The following P4HA3 variants were observed in gnomAD, a reference collection of about 807,000 sequenced individuals.
P4HA3 encodes the protein prolyl 4-hydroxylase subunit alpha-3.
P4HA3 carries 60 observed loss-of-function variants against 66.7 expected under a neutral mutation model. The ratio of observed to expected loss-of-function variants is 0.90; its 90% CI spans 0.73 to 1.12. The LOEUF (loss-of-function observed/expected upper bound fraction) is 1.12, where lower values mean the gene tolerates loss of function less well. P4HA3 is among the 50% of genes most tolerant of loss of function. The probability of loss-of-function intolerance (pLI) is 0.00; values close to 1 mark genes in which losing one functional copy is unlikely to be tolerated. For missense variants in P4HA3, 683 were observed against 685.8 expected (o/e 1.00, Z 0.05); for synonymous variants, 263 against 274.6 (o/e 0.96, Z 0.42).
At chr11:74,272,772 T>C (rs536421026) in intron 10 of P4HA3, among the ~76,000 whole-genome samples, 2 of 152,330 alleles carry the variant, frequency 1.3e-5, no homozygotes, top group Non-Finnish European at 2.9e-5. Flanking sequence ...AGAACCCTTA[T>C]ATATGTTTGT....
intron 1 of P4HA3, among the ~76,000 whole-genome samples, chr11:74,306,532 GT>G (rs1358654711): frequency 1.3e-5 from 2 of 152,138 alleles, no homozygotes; most frequent in Non-Finnish European, 1.5e-5. Context: ...AAAAAAGTTT[GT>G]GCAAAGTGAA....
At chr11:74,287,946 G>A (rs1860856069) in intron 5 of P4HA3, among the ~76,000 whole-genome samples, 1 of 152,124 alleles carries the variant, frequency 6.6e-6, no homozygotes, top group Admixed American at 6.6e-5. Flanking sequence ...AACCTGGGAG[G>A]CAGAGGCTAT....
chr11:74,252,567 C>T (rs952290756), intron 15 of P4HA3: 1 of 454,328 alleles, frequency 2.2e-6, no homozygotes, highest in Non-Finnish European at 4.4e-6. Context: ...GCAGGGTTTT[C>T]AACCTCAGCT....
In P4HA3 at chr11:74,255,892, T is replaced by C. The variant is rs529356592; in HGVS notation, c.*1318+4031A>G. The C allele has an allele frequency of 9.0e-5, 46 of 512,026 alleles. 1 individual carries two copies. The highest frequency in any genetic ancestry group is 8.3e-4 in the Admixed American group (42 of 50,604). 31.7% of individuals were successfully genotyped at this position (512,026 alleles called of 1,614,324 possible). ...CTCCCTAGTAGAGGAGAGAAGTTCC[T>C]TATGTGTGGTTTGATTTCTCTCACC... On this transcript the variant is annotated intron_variant and NMD_transcript_variant, in intron 15 of 15. Coordinates refer to the P4HA3 transcript ENST00000524388.
At chr11:74,269,573 A>T (rs1860116534) in intron 11 of P4HA3, 79 bp downstream of exon 11, 3 of 1,438,494 alleles carry the variant, frequency 2.1e-6, no homozygotes, top group Non-Finnish European at 2.8e-6. Flanking sequence ...ATGGGCTTGC[A>T]AGCACAGACA....
At chr11:74,253,458 A>T in intron 15 of P4HA3, 1 of 1,591,824 alleles carries the variant, frequency 6.3e-7, no homozygotes, top group Non-Finnish European at 8.6e-7. Context: ...TGATAGTTAC[A>T]TTTGTTTTTC....
chr11:74,287,261 G>T (rs1050278780), intron 5 of P4HA3: 2 of 1,289,378 alleles, frequency 1.6e-6, no homozygotes, highest in Non-Finnish European at 2.0e-6. Flanking sequence ...TCTCTGAGGA[G>T]CCCAGTGTGC....
intron 5 of P4HA3, among the ~76,000 whole-genome samples, chr11:74,288,094 T>C (rs1860862934): frequency 1.3e-5 from 2 of 152,080 alleles, no homozygotes; most frequent in African/African-American, 2.4e-5. Context: ...AATACTGTAT[T>C]AAAGAAAAAC....
At chr11:74,278,316 G>C (rs551044432) in intron 8 of P4HA3, among the ~76,000 whole-genome samples, 5 of 152,164 alleles carry the variant, frequency 3.3e-5, no homozygotes, top group African/African-American at 7.2e-5. Context: ...AAGAAGTAAC[G>C]GGAGATACAG....
intron 1 of P4HA3, among the ~76,000 whole-genome samples, chr11:74,307,164 G>T (rs151021397): frequency 6.6e-6 from 1 of 152,140 alleles, no homozygotes; most frequent in Admixed American, 6.5e-5. Flanking sequence ...CTATCACTCA[G>T]TTTCCTCATC....
chr11:74,295,812 T>A (rs965999501), intron 4 of P4HA3, among the ~76,000 whole-genome samples: 1 of 152,208 alleles, frequency 6.6e-6, no homozygotes, highest in Non-Finnish European at 1.5e-5. Context: ...TATCATGAAT[T>A]ACTCTGTTCT....
intron 5 of P4HA3, 130 bp downstream of exon 5, chr11:74,288,949 A>AG (rs1491242308): frequency 9.1e-6 from 1 of 109,486 alleles, no homozygotes; most frequent in East Asian, 2.3e-4. Context: ...ATGCCATCTC[A>AG]AAAAAAAAAA....
At chr11:74,256,594 C>T (rs1859835327) in intron 15 of P4HA3, among the ~76,000 whole-genome samples, 1 of 152,100 alleles carries the variant, frequency 6.6e-6, no homozygotes, top group African/African-American at 2.4e-5. Flanking sequence ...TATGTGTTGG[C>T]CATAACAGTG....
At chr11:74,260,488 G>A (rs929681575) in intron 14 of P4HA3, among the ~76,000 whole-genome samples, 2 of 152,270 alleles carry the variant, frequency 1.3e-5, no homozygotes, top group Admixed American at 1.3e-4. Flanking sequence ...GGGCCCCTTA[G>A]GGGACCATGT....
intron 7 of P4HA3, 67 bp from the exon 8 acceptor site, chr11:74,279,519 A>G: frequency 6.9e-7 from 1 of 1,445,782 alleles, no homozygotes; most frequent in Non-Finnish European, 9.7e-7. Context: ...TGTCACTTCC[A>G]CAGACATATT....
At chr11:74,261,801 T>C (rs1191401418), downstream of P4HA3, among the ~76,000 whole-genome samples, 1 of 152,204 alleles carries the variant, frequency 6.6e-6, no homozygotes, top group African/African-American at 2.4e-5. Flanking sequence ...AGGCCACACA[T>C]GCAGTCTGTG....
At chr11:74,250,741 T>C (rs2135684175) in intron 15 of P4HA3, 1 of 556,512 alleles carries the variant, frequency 1.8e-6, no homozygotes, top group East Asian at 2.9e-5. Context: ...GTACACTAAA[T>C]AGGACAGAAG....
chr11:74,268,584 T>C lies in P4HA3; in HGVS notation c.1468-343A>G, dbSNP rs574425781. Among the ~76,000 whole-genome samples, 3 of 152,322 alleles carry C rather than the reference T, an allele frequency of 2.0e-5. No homozygotes were observed. The South Asian group carries it at 6.2e-4, about 32-fold the overall frequency. On this transcript the variant is annotated intron_variant, in intron 11 of 12. Coordinates refer to ENST00000331597, the MANE Select transcript of P4HA3 (RefSeq NM_182904.5). ...GTGAGCACATTTGTCATTGGGTCACTGAGGAGAAACACCGAACAAAACCAC... is the reference window on the plus strand; with the variant it reads ...GTGAGCACATTTGTCATTGGGTCACCGAGGAGAAACACCGAACAAAACCAC...
chr11:74,251,419 C>T, intron 15 of P4HA3: 5 of 1,393,958 alleles, frequency 3.6e-6, no homozygotes, highest in Middle Eastern at 2.7e-4. Flanking sequence ...CACATAAGCC[C>T]TTCACGTCAT....
Sources: allele counts gnomAD v4.1 joint callset (sites outside exome capture counted in the v4.1 genomes callset), GRCh38; gene constraint gnomAD v4.1.1; transcripts MANE v1.5; gene names NCBI Gene and HGNC (gene_info 2026-07-23, HGNC 2026-07-21).